Variants in CREM observed in about 807,000 individuals in gnomAD.
CREM encodes the protein cAMP-responsive element modulator.
CREM carries 13 observed loss-of-function variants against 37.3 expected under a neutral mutation model. The observed-to-expected ratio is 0.35, with a 90% CI of 0.23 to 0.55. CREM has a LOEUF of 0.55. Among genes scored for constraint, CREM ranks in the 20% least tolerant of loss-of-function variants. CREM has a pLI of 0.88. For missense variants in CREM, 296 were observed against 362.3 expected (o/e 0.82, Z 1.49); for synonymous variants, 124 against 120.2 (o/e 1.03, Z -0.21).
intron 6 of CREM, chr10:35,201,421 T>A (rs2095380216): frequency 1.3e-6 from 2 of 1,550,822 alleles, no homozygotes; most frequent in African/African-American, 2.7e-5. Flanking sequence ...TTGTGAGTAT[T>A]AAATGAGATA....
chr10:35,157,337 A>T (rs1230757375), intron 3 of CREM, among the ~76,000 whole-genome samples: 1 of 152,176 alleles, frequency 6.6e-6, no homozygotes, highest in Non-Finnish European at 1.5e-5. Context: ...CTGGAATAAG[A>T]TAAGGATACC....
chr10:35,147,835 G>A (rs534718771), intron 2 of CREM, among the ~76,000 whole-genome samples: 1 of 152,304 alleles, frequency 6.6e-6, no homozygotes, highest in Admixed American at 6.5e-5. Flanking sequence ...CCTTGGTAAT[G>A]TTCATATTCA....
chr10:35,197,881 G>T (rs1203593154), intron 6 of CREM, among the ~76,000 whole-genome samples: 1 of 152,086 alleles, frequency 6.6e-6, no homozygotes, highest in Admixed American at 6.5e-5. Context: ...CCTATGGATC[G>T]GCAGACCAAG....
At chr10:35,201,452 T>A in intron 6 of CREM, 2 of 1,551,608 alleles carry the variant, frequency 1.3e-6, no homozygotes, top group Non-Finnish European at 1.7e-6. Context: ...ATTTTACAGA[T>A]GAGGAAACTG....
chr10:35,154,075 G>A lies in CREM; in HGVS notation c.168+5584G>A, dbSNP rs1223133437. 8 of 398,444 alleles carry A rather than the reference G, an allele frequency of 2.0e-5. No homozygotes were observed. The Admixed American group carries it at 2.2e-4, about 11-fold the overall frequency. 24.7% of individuals were successfully genotyped at this position (398,444 alleles called of 1,614,324 possible). On this transcript the variant is annotated intron_variant, in intron 3 of 7. Coordinates refer to ENST00000685392, the MANE Select transcript of CREM (RefSeq NM_183011.2). ...TCCATTCTAAGTGCACAATGTGTAA[G>A]GAGTCCCTCGGAATAAAGCAGCCCT... is the stretch of plus-strand genomic sequence containing the variant.
chr10:35,139,804 A>T (rs960736248), intron 2 of CREM, among the ~76,000 whole-genome samples: 4 of 152,216 alleles, frequency 2.6e-5, no homozygotes, highest in Non-Finnish European at 5.9e-5. Context: ...GTAAGATTAT[A>T]ATGGACTCTA....
At chr10:35,152,826 G>A (rs115212819) in intron 3 of CREM, among the ~76,000 whole-genome samples, 30 of 152,192 alleles carry the variant, frequency 2.0e-4, no homozygotes, top group African/African-American at 7.2e-4. Context: ...TACATCCTCC[G>A]GAAATAATAT....
At chr10:35,184,558 G>T (rs950346136) in intron 5 of CREM, among the ~76,000 whole-genome samples, 1 of 152,116 alleles carries the variant, frequency 6.6e-6, no homozygotes, top group Non-Finnish European at 1.5e-5. Flanking sequence ...TGAAAATGAG[G>T]CTGACGTGCC....
intron 7 of CREM, 78 bp from the exon 8 acceptor site, chr10:35,211,176 G>A: frequency 6.6e-7 from 1 of 1,512,872 alleles, no homozygotes; most frequent in South Asian, 1.3e-5. Context: ...TTGAGTTCGG[G>A]GGGCAGAAGT....
intron 3 of CREM, chr10:35,154,225 G>T (rs1281901144): frequency 5.1e-6 from 2 of 394,260 alleles, no homozygotes; most frequent in Admixed American, 4.4e-5. Flanking sequence ...TCTCTGTTTT[G>T]CCCAGCTATG....
At chr10:35,130,712 C>T (rs755705521) in intron 1 of CREM, among the ~76,000 whole-genome samples, 6 of 152,156 alleles carry the variant, frequency 3.9e-5, no homozygotes, top group Non-Finnish European at 7.3e-5. Flanking sequence ...AGTACAGTAA[C>T]ATGCTGTACA....
At chr10:35,145,350 A>C (rs1297995427) in intron 2 of CREM, among the ~76,000 whole-genome samples, 1 of 151,876 alleles carries the variant, frequency 6.6e-6, no homozygotes, top group Non-Finnish European at 1.5e-5. Flanking sequence ...TCCCTCTCAT[A>C]GTCGACCTGT....
chr10:35,167,947 T>C lies in CREM; in HGVS notation c.169-10942T>C, dbSNP rs2132540412. ...GTTTACTGAGAATGATGATTTCCAATTTCATCCATGTCCCTACAAAGGACA... is the reference window on the plus strand; with the variant it reads ...GTTTACTGAGAATGATGATTTCCAACTTCATCCATGTCCCTACAAAGGACA... On this transcript the variant is annotated intron_variant, in intron 3 of 7. Transcript: ENST00000685392. 4.2e-6 allele frequency: 3 copies of C among 712,368 alleles called. 1 individual carries two copies. Among genetic ancestry groups the C allele is most frequent in the Middle Eastern group, 7.8e-4 (2 of 2,568 alleles). 44.1% of individuals were successfully genotyped at this position (712,368 alleles called of 1,614,324 possible).
chr10:35,195,896 C>T (rs2095137383), intron 6 of CREM: 2 of 641,728 alleles, frequency 3.1e-6, no homozygotes, highest in South Asian at 1.9e-5. Context: ...AGTTCCTTTC[C>T]GCTTTGTAAA....
At chr10:35,131,893 C>T (rs2089449116) in intron 1 of CREM, among the ~76,000 whole-genome samples, 1 of 152,102 alleles carries the variant, frequency 6.6e-6, no homozygotes, top group Non-Finnish European at 1.5e-5. Context: ...TCTAGTCAAG[C>T]AAGTAACTCC....
chr10:35,212,108 T>G lies in CREM; in HGVS notation c.*710T>G, dbSNP rs538851148. 2.8e-5 allele frequency: 6 copies of G among 216,732 alleles called. No individual in the cohort carries two copies. The highest frequency in any genetic ancestry group is 1.5e-3 in the Middle Eastern group (1 of 646). The allele number at this position is 216,732 out of a possible 1,614,324, so 13.4% of individuals were successfully genotyped here. Reference sequence around the variant, plus strand: ...TCAATAGTGTCCTATGCAATAAAATTATTTGCAGGTCTTTAAATCATTTTA... The same window carrying G: ...TCAATAGTGTCCTATGCAATAAAATGATTTGCAGGTCTTTAAATCATTTTA... On this transcript the variant is annotated 3_prime_UTR_variant, in exon 8 of 8. Coordinates refer to ENST00000685392, the MANE Select transcript of CREM (RefSeq NM_183011.2).
At chr10:35,209,718 C>T (rs948506559) in intron 7 of CREM, among the ~76,000 whole-genome samples, 3 of 152,062 alleles carry the variant, frequency 2.0e-5, no homozygotes, top group African/African-American at 7.2e-5. Flanking sequence ...ATCATGAAAA[C>T]GTTGGTATTC....
At chr10:35,181,065 G>A (rs1364013053) in intron 5 of CREM, among the ~76,000 whole-genome samples, 1 of 152,248 alleles carries the variant, frequency 6.6e-6, no homozygotes, top group Non-Finnish European at 1.5e-5. Flanking sequence ...TCTGATAGAA[G>A]CAGTGATTCC....
In CREM at chr10:35,208,046, G is replaced by A. The variant is rs139535300; in HGVS notation, c.755+995G>A. ...TTTGCTGTGAAGTAGGTGATAAGTC[G>A]AATTTTTTAGCTTCTCTCTGAGAAA... On this transcript the variant is annotated intron_variant, in intron 7 of 7. Transcript: ENST00000685392. Among the ~76,000 whole-genome samples, 1,080 of 152,292 alleles carry A rather than the reference G, an allele frequency of 7.1e-3. 7 individuals carry two copies. Among genetic ancestry groups the A allele is most frequent in the Non-Finnish European group, 0.011 (769 of 68,026 alleles).
Sources: allele counts gnomAD v4.1 joint callset (sites outside exome capture counted in the v4.1 genomes callset), GRCh38; gene constraint gnomAD v4.1.1; transcripts MANE v1.5; gene names NCBI Gene and HGNC (gene_info 2026-07-23, HGNC 2026-07-21).